Variants in CHD1L observed in about 807,000 individuals in gnomAD.
The protein encoded by CHD1L is ATP-dependent chromatin remodeler CHD1L.
In CHD1L, 118 loss-of-function variants were observed where a neutral mutation model predicts 115.9. The ratio of observed to expected loss-of-function variants is 1.02; its 90% CI spans 0.88 to 1.19. The LOEUF (loss-of-function observed/expected upper bound fraction) is 1.19, where lower values mean the gene tolerates loss of function less well. Among genes scored for constraint, CHD1L ranks in the 50% most tolerant of loss-of-function variants. The probability of loss-of-function intolerance (pLI) is 0.00; values close to 1 mark genes in which losing one functional copy is unlikely to be tolerated. For synonymous variants in CHD1L, 411 were observed against 387.1 expected (o/e 1.06, Z -0.72); for missense variants, 1,179 against 1,065.3 (o/e 1.11, Z -1.49).
At chr1:147,286,062 C>A (rs587776294) in intron 17 of CHD1L, among the ~76,000 whole-genome samples, 2 of 152,262 alleles carry the variant, frequency 1.3e-5, no homozygotes, top group South Asian at 2.1e-4. Context: ...TCAACAATCT[C>A]TTTTAGTCTT....
At chr1:147,284,293 C>A in intron 15 of CHD1L, 58 bp from the exon 16 acceptor site, 2 of 1,356,546 alleles carry the variant, frequency 1.5e-6, no homozygotes, top group African/African-American at 1.5e-5. Flanking sequence ...ATTTGAATAG[C>A]ATTAATCTAT....
chr1:147,223,197 T>C, the CHD1L span, among the ~76,000 whole-genome samples: 1 of 152,188 alleles, frequency 6.6e-6, no homozygotes, highest in Non-Finnish European at 1.5e-5. Context: ...CCATACCATA[T>C]TGTGGCTGGA....
At chr1:147,192,473 T>C in the CHD1L span, among the ~76,000 whole-genome samples, 1 of 152,122 alleles carries the variant, frequency 6.6e-6, no homozygotes, top group Non-Finnish European at 1.5e-5. Flanking sequence ...ACAATTTGAC[T>C]TCCTCTTTTC....
intron 1 of CHD1L, 53 bp from the exon 2 acceptor site, chr1:147,252,570 C>T: frequency 2.2e-6 from 3 of 1,366,586 alleles, no homozygotes; most frequent in Non-Finnish European, 3.1e-6. Context: ...AACATTGCCT[C>T]TGCATGTACT....
chr1:147,196,274 T>G, the CHD1L span, among the ~76,000 whole-genome samples: 1 of 152,140 alleles, frequency 6.6e-6, no homozygotes, highest in Non-Finnish European at 1.5e-5. Flanking sequence ...ATTTTAGCCA[T>G]GGGAATTATT....
At chr1:147,252,978 T>A (rs776931627) in intron 2 of CHD1L, among the ~76,000 whole-genome samples, 3 of 152,230 alleles carry the variant, frequency 2.0e-5, no homozygotes, top group Non-Finnish European at 4.4e-5. Flanking sequence ...TTTCTTTGGA[T>A]GTTCACATAG....
chr1:147,178,717 G>A, the CHD1L span: 3 of 1,577,606 alleles, frequency 1.9e-6, no homozygotes, highest in East Asian at 4.5e-5. Context: ...TAACGGAGAT[G>A]GTATCATCTT....
At chr1:147,193,814 G>A in the CHD1L span, among the ~76,000 whole-genome samples, 1 of 152,142 alleles carries the variant, frequency 6.6e-6, no homozygotes, top group Non-Finnish European at 1.5e-5. Flanking sequence ...TAGTTGAGTG[G>A]TTTTGAGTGA....
At chr1:147,262,711 CAAAT>C (rs149197214) in intron 6 of CHD1L, among the ~76,000 whole-genome samples, 26,918 of 130,552 alleles carry the variant, frequency 0.21, 3,031 homozygotes, top group South Asian at 0.31. Context: ...TAAAAAGAAA[CAAAT>C]AAAAAAGGGA....
intron 8 of CHD1L, 108 bp from the exon 9 acceptor site, chr1:147,267,318 G>T: frequency 4.2e-6 from 3 of 713,882 alleles, no homozygotes; most frequent in Non-Finnish European, 7.1e-6. Flanking sequence ...TAGGTTCAAA[G>T]GATATAATTG....
chr1:147,259,900 G>T lies in CHD1L; in HGVS notation c.558G>T (p.Leu186=). The change falls in exon 6 of 23, where the codon CTG becomes CTT. Residue 186 remains leucine (L), a synonymous_variant. Coordinates refer to ENST00000369258, the MANE Select transcript of CHD1L (RefSeq NM_004284.6). ...GGTTGAAAAACCAAAGCTCCCTGCT[G>T]CATAAGACCTTGTCAGAGGTAAACT... The part of the protein sequence containing the change: ...AHRLKNQSSL[L]HKTLSEFSVV... 1 of 1,613,504 alleles carries T rather than the reference G, an allele frequency of 6.2e-7. No individual in the cohort carries two copies.
chr1:147,275,666 G>A (rs1678118219), intron 13 of CHD1L, among the ~76,000 whole-genome samples, 198 bp downstream of exon 13: 1 of 151,458 alleles, frequency 6.6e-6, no homozygotes, highest in African/African-American at 2.4e-5. Context: ...ATTAGAAGGA[G>A]TCAAATCAAA....
chr1:147,218,573 G>A, the CHD1L span, among the ~76,000 whole-genome samples: 1 of 152,062 alleles, frequency 6.6e-6, no homozygotes, highest in Non-Finnish European at 1.5e-5. Context: ...CACTCCATGG[G>A]TATCCTGATA....
At chr1:147,188,841 A>G in the CHD1L span, among the ~76,000 whole-genome samples, 5,595 of 152,142 alleles carry the variant, frequency 0.037, 147 homozygotes, top group South Asian at 0.095. Context: ...AAAATAAGTC[A>G]AAGGAAAGAG....
At chr1:147,248,085 G>A (rs1462435302) in intron 1 of CHD1L, among the ~76,000 whole-genome samples, 1 of 152,098 alleles carries the variant, frequency 6.6e-6, no homozygotes, top group East Asian at 1.9e-4. Flanking sequence ...GGACATCTTT[G>A]TGAGGGCCAC....
chr1:147,270,585 T>A (rs1675795988), intron 10 of CHD1L, among the ~76,000 whole-genome samples: 1 of 152,034 alleles, frequency 6.6e-6, no homozygotes, highest in South Asian at 2.1e-4. Context: ...TTTATTTTGC[T>A]ACTAAAATGA....
chr1:147,196,459 A>G, the CHD1L span, among the ~76,000 whole-genome samples: 1 of 151,952 alleles, frequency 6.6e-6, no homozygotes, highest in Non-Finnish European at 1.5e-5. Flanking sequence ...ATATTTCTTG[A>G]TTGTGGGAGA....
At chr1:147,217,066 C>T in the CHD1L span, among the ~76,000 whole-genome samples, 15 of 151,062 alleles carry the variant, frequency 9.9e-5, no homozygotes, top group African/African-American at 3.6e-4. Context: ...CATGGAGAAA[C>T]CCTGTCTCTA....
intron 15 of CHD1L, 54 bp from the exon 16 acceptor site, chr1:147,284,297 A>C (rs1553963695): frequency 2.9e-6 from 4 of 1,388,250 alleles, no homozygotes; most frequent in Admixed American, 4.5e-5. Flanking sequence ...GAATAGCATT[A>C]ATCTATTTTT....
Sources: gnomAD v4.1 joint callset for allele counts (sites outside exome capture counted in the v4.1 genomes callset) on GRCh38, gnomAD v4.1.1 for gene constraint, MANE v1.5 for transcripts, NCBI Gene and HGNC (gene_info 2026-07-23, HGNC 2026-07-21) for gene names.